DERA: variants seen among roughly 807,000 people sequenced by gnomAD.
The protein encoded by DERA is deoxyribose-phosphate aldolase.
DERA carries 15 observed loss-of-function variants against 41.1 expected under a neutral mutation model. That is an observed-to-expected ratio of 0.37 (90% CI 0.24 to 0.56). DERA has a LOEUF of 0.56. Among genes scored for constraint, DERA ranks in the 20% least tolerant of loss-of-function variants. The pLI is 0.81. For synonymous variants in DERA, 139 were observed against 137.4 expected, an observed-to-expected ratio of 1.01 and a Z score of -0.08; for missense variants, 396 against 403.4, an observed-to-expected ratio of 0.98 and a Z score of 0.16.
chr12:15,996,845 A>G lies in DERA; in HGVS notation c.637+14409A>G, dbSNP rs74065546. ...TGATTTTTCCCTCTCAGCAATGTTGAATGGTTTTGTGGATAGGGGAAATCT... is the reference window on the plus strand; with the variant it reads ...TGATTTTTCCCTCTCAGCAATGTTGGATGGTTTTGTGGATAGGGGAAATCT... On this transcript the variant is annotated intron_variant, in intron 6 of 8. Coordinates refer to ENST00000428559, the MANE Select transcript of DERA (RefSeq NM_015954.4). The surrounding 1 kb of genome is among the most constrained non-coding windows in gnomAD (Gnocchi z 4.7). Among the ~76,000 whole-genome samples the G allele has an allele frequency of 0.065, 9,921 of 152,230 alleles. 1,039 individuals are homozygous for G. Among genetic ancestry groups the G allele is most frequent in the African/African-American group, 0.22 (9,135 of 41,506 alleles).
At chr12:15,923,908 C>A (rs142600872) in intron 1 of DERA, among the ~76,000 whole-genome samples, 184 of 152,242 alleles carry the variant, frequency 1.2e-3, no homozygotes, top group African/African-American at 4.0e-3. Context: ...CACATTTATT[C>A]ATCTCCAATT....
At chr12:16,023,525 T>TAA (rs1949032444) in intron 6 of DERA, among the ~76,000 whole-genome samples, 1 of 141,400 alleles carries the variant, frequency 7.1e-6, no homozygotes, top group Non-Finnish European at 1.5e-5. Flanking sequence ...TCACCCAGGC[T>TAA]GGAGTGCAGT....
At chr12:15,939,332 A>G (rs1948393242) in intron 1 of DERA, among the ~76,000 whole-genome samples, 1 of 152,206 alleles carries the variant, frequency 6.6e-6, no homozygotes, top group Admixed American at 6.6e-5. Context: ...GCTGAGCCCC[A>G]GTCAACCTGT....
At position 15,915,133 on chromosome 12, in the gene DERA, G is replaced by T. The variant is rs973591060; in HGVS notation, c.31+3719G>T. 6.6e-6 allele frequency among the ~76,000 whole-genome samples: 1 copy of T among 152,172 alleles called. No homozygotes were observed. The highest frequency in any genetic ancestry group is 1.5e-5 in the Non-Finnish European group (1 of 68,032). On this transcript the variant is annotated intron_variant, in intron 1 of 8. Transcript: ENST00000428559. This position sits in a 1 kb window ranked among gnomAD's most constrained non-coding sequence, Gnocchi z 4.8. ...CTTCACAGAGCTATTAATCGGTCTGGTTCAGGACCTGGACATCAAGCTAGA... is the reference window on the plus strand; with the variant it reads ...CTTCACAGAGCTATTAATCGGTCTGTTTCAGGACCTGGACATCAAGCTAGA...
chr12:15,956,995 C>A lies in DERA; in HGVS notation c.91C>A (p.Gln31Lys). The A allele has an allele frequency of 6.2e-7, 1 of 1,613,902 alleles. No individual in the cohort carries two copies. Among genetic ancestry groups the A allele is most frequent in the Non-Finnish European group, 8.5e-7 (1 of 1,179,852 alleles). Residue 31 changes from glutamine to lysine, a missense_variant, in exon 2 of 9, where the codon CAA becomes AAA. Physicochemically the swap from Gln to Lys is moderately conservative, Grantham distance 53. Coordinates refer to ENST00000428559, the MANE Select transcript of DERA (RefSeq NM_015954.4). ...CCCGGCAGTTCTGAGGCGTGCGGAA[C>A]AAATCCAGGCTCGCAGAACCGTGAA... ...NHPAVLRRAE[Q>K]IQARRTVKKE... is the part of the protein sequence containing the mutation.
chr12:15,957,699 GT>G lies in DERA; in HGVS notation c.130-487del, dbSNP rs1208746627. Among the ~76,000 whole-genome samples the G allele has an allele frequency of 6.6e-6, 1 of 152,168 alleles. No homozygotes were observed. The highest frequency in any genetic ancestry group is 6.5e-5 in the Admixed American group (1 of 15,276). On this transcript the variant is annotated intron_variant, in intron 2 of 8. Coordinates refer to ENST00000428559, the MANE Select transcript of DERA (RefSeq NM_015954.4). This position sits in a 1 kb window ranked among gnomAD's most constrained non-coding sequence, Gnocchi z 4.8. ...GGTAAAATAAAATTCATCAGACTGA[GT>G]TGTGAAATATGAATATTGTTTTAAA... is the stretch of plus-strand genomic sequence containing the variant.
At chr12:15,950,882 C>T (rs1010341627) in intron 1 of DERA, among the ~76,000 whole-genome samples, 1 of 152,206 alleles carries the variant, frequency 6.6e-6, no homozygotes, top group African/African-American at 2.4e-5. Flanking sequence ...CTAGAGCCTC[C>T]AGTGGTGTCT....
At chr12:15,946,789 G>T (rs1025551682) in intron 1 of DERA, among the ~76,000 whole-genome samples, 6 of 152,072 alleles carry the variant, frequency 3.9e-5, no homozygotes, top group Non-Finnish European at 5.9e-5. Context: ...GTTCGCTCTT[G>T]CTTCTCTAGT....
rs1475674529 is a variant in DERA at position 15,935,249 on chromosome 12, G to C, written c.32-21687G>C. Among the ~76,000 whole-genome samples, 2 of 152,154 alleles carry C rather than the reference G, an allele frequency of 1.3e-5. No homozygotes were observed. Among genetic ancestry groups the C allele is most frequent in the African/African-American group, 4.8e-5 (2 of 41,420 alleles). On this transcript the variant is annotated intron_variant, in intron 1 of 8. Coordinates refer to ENST00000428559, the MANE Select transcript of DERA (RefSeq NM_015954.4). The surrounding 1 kb of genome is among the most constrained non-coding windows in gnomAD (Gnocchi z 4.8). ...TGCCTGTAATCTCAGCACTTTGGGA[G>C]GCTGAGGTGGGTGGATCACTTGAGC...
At position 16,017,539 on chromosome 12, in the gene DERA, C is replaced by T. The variant is rs138439610; in HGVS notation, c.638-15003C>T. Among the ~76,000 whole-genome samples the T allele has an allele frequency of 1.5e-3, 225 of 152,294 alleles. No individual in the cohort carries two copies. The highest frequency in any genetic ancestry group is 5.1e-3 in the African/African-American group (210 of 41,572). On this transcript the variant is annotated intron_variant, in intron 6 of 8. Coordinates refer to ENST00000428559, the MANE Select transcript of DERA (RefSeq NM_015954.4). The surrounding 1 kb of genome is among the most constrained non-coding windows in gnomAD (Gnocchi z 5.5). Reference sequence around the variant, plus strand: ...ATTTAGTATTAGTATCACATTGATACCTCCAGAGGGGCTTTCTGCTTCCAT... The same window carrying T: ...ATTTAGTATTAGTATCACATTGATATCTCCAGAGGGGCTTTCTGCTTCCAT...
Position 16,001,788 on chromosome 12 carries a change from T to G in DERA, c.637+19352T>G, listed in dbSNP as rs1948876378. ...CCGAATGCTCTGTCTCCTGCTTCCC[T>G]GAGTCAGAAGTGGCAGGCACACTAG... On this transcript the variant is annotated intron_variant, in intron 6 of 8. Coordinates refer to ENST00000428559, the MANE Select transcript of DERA (RefSeq NM_015954.4). The surrounding 1 kb of genome is among the most constrained non-coding windows in gnomAD (Gnocchi z 4.1). 6.6e-6 allele frequency among the ~76,000 whole-genome samples: 1 copy of G among 152,226 alleles called. No homozygotes were observed. The highest frequency in any genetic ancestry group is 1.5e-5 in the Non-Finnish European group (1 of 68,038).
intron 1 of DERA, among the ~76,000 whole-genome samples, chr12:15,950,207 C>T (rs1372634068): frequency 6.6e-6 from 1 of 152,216 alleles, no homozygotes; most frequent in East Asian, 1.9e-4. Context: ...AATGGTTGCT[C>T]CATAGACAGA....
intron 6 of DERA, among the ~76,000 whole-genome samples, chr12:15,987,228 TA>T (rs1307506983): frequency 6.8e-6 from 1 of 146,378 alleles, no homozygotes. Flanking sequence ...CATATATATG[TA>T]CTTTTTTTTT....
rs12426935 is a variant in DERA at position 15,976,343 on chromosome 12, G to T, written c.509-5965G>T. On this transcript the variant is annotated intron_variant, in intron 5 of 8. Transcript: ENST00000428559. The surrounding 1 kb of genome is among the most constrained non-coding windows in gnomAD (Gnocchi z 4.1). ...CTTGCCAAGTCCTCCCCAACCCCTA[G>T]AATTTTCAGTCCTCGCTGGTAAGGG... 0.049 allele frequency among the ~76,000 whole-genome samples: 7,389 copies of T among 152,136 alleles called. 545 individuals carry two copies. Among genetic ancestry groups the T allele is most frequent in the East Asian group, 0.36 (1,875 of 5,166 alleles).
intron 6 of DERA, among the ~76,000 whole-genome samples, chr12:16,025,766 A>G (rs1949049110): frequency 6.6e-6 from 1 of 152,142 alleles, no homozygotes; most frequent in Non-Finnish European, 1.5e-5. Context: ...CAATGTTCAC[A>G]TGGAACATTA....
In DERA at chr12:16,037,175, TC is replaced by T. The variant is rs2136192461; in HGVS notation, c.*430del. On this transcript the variant is annotated 3_prime_UTR_variant, in exon 9 of 9. Coordinates refer to ENST00000428559, the MANE Select transcript of DERA (RefSeq NM_015954.4). This position sits in a 1 kb window ranked among gnomAD's most constrained non-coding sequence, Gnocchi z 6.7. Reference sequence around the variant, plus strand: ...AGCACTAATTTCCTGCTGTGAAAACTCATCTTTCATTTTTGCCGTGGATAGG... The same window carrying T: ...AGCACTAATTTCCTGCTGTGAAAACTATCTTTCATTTTTGCCGTGGATAGG... 1.3e-5 allele frequency: 2 copies of T among 153,826 alleles called. 1 individual carries two copies. Among genetic ancestry groups the T allele is most frequent in the South Asian group, 4.1e-4 (2 of 4,860 alleles). The allele number at this position is 153,826 out of a possible 1,614,324, so 9.5% of individuals were successfully genotyped here.
At position 16,025,422 on chromosome 12, in the gene DERA, C is replaced by T. The variant is rs76391136; in HGVS notation, c.638-7120C>T. Among the ~76,000 whole-genome samples, 179 of 152,008 alleles carry T rather than the reference C, an allele frequency of 1.2e-3. 4 individuals are homozygous for T. The East Asian group carries it at 0.032, about 27-fold the overall frequency. ...GTAGCTATATGAATTTCACACAAAG[C>T]GGACTTCAGAAAAAGGAACACTATC... On this transcript the variant is annotated intron_variant, in intron 6 of 8. Transcript: ENST00000428559.
Position 15,996,003 on chromosome 12 carries a change from A to G in DERA, c.637+13567A>G, listed in dbSNP as rs776158918. Among the ~76,000 whole-genome samples the G allele has an allele frequency of 1.3e-5, 2 of 152,164 alleles. No individual in the cohort carries two copies. Among genetic ancestry groups the G allele is most frequent in the Non-Finnish European group, 2.9e-5 (2 of 68,024 alleles). Reference sequence around the variant, plus strand: ...AATTGGGTGCGCCACATCAGGAGGTAGGAGACGTTCGAGGCACAGGCTGAG... The same window carrying G: ...AATTGGGTGCGCCACATCAGGAGGTGGGAGACGTTCGAGGCACAGGCTGAG... On this transcript the variant is annotated intron_variant, in intron 6 of 8. Transcript: ENST00000428559. This position sits in a 1 kb window ranked among gnomAD's most constrained non-coding sequence, Gnocchi z 4.7.
At position 15,911,419 on chromosome 12, in the gene DERA, G is replaced by C; in HGVS notation, c.31+5G>C. The C allele has an allele frequency of 7.1e-7, 1 of 1,407,722 alleles. No homozygotes were observed. The highest frequency in any genetic ancestry group is 9.2e-7 in the Non-Finnish European group (1 of 1,091,002). 87.2% of individuals were successfully genotyped at this position (1,407,722 alleles called of 1,614,324 possible). On this transcript the variant is annotated splice_donor_5th_base_variant and intron_variant, in intron 1 of 8. Transcript: ENST00000428559. The surrounding 1 kb of genome is among the most constrained non-coding windows in gnomAD (Gnocchi z 4.5). ...ACAATCGGGGCACCGAGCTCGGTAA[G>C]GGGCCCGCGGGGCTCCCCATCCCCT...
Sources: gnomAD v4.1 joint callset for allele counts (sites outside exome capture counted in the v4.1 genomes callset) on GRCh38, gnomAD v4.1.1 for gene constraint, Gnocchi (gnomAD v3.1) non-coding constraint, MANE v1.5 for transcripts, NCBI Gene and HGNC (gene_info 2026-07-23, HGNC 2026-07-21) for gene names.